The following ATG3 variants were observed in gnomAD, a reference collection of about 807,000 sequenced individuals.
The protein encoded by ATG3 is ubiquitin-like-conjugating enzyme ATG3.
ATG3 carries 25 observed loss-of-function variants against 50.7 expected under a neutral mutation model. That is an observed-to-expected ratio of 0.49 (90% CI 0.36 to 0.69). The LOEUF is 0.69. Ranked by LOEUF, ATG3 falls within the 30% of genes least tolerant of loss-of-function variation. ATG3 has a pLI of 0.00. For synonymous variants in ATG3, 119 were observed against 125.5 expected (o/e 0.95, Z 0.34); for missense variants, 281 against 376.0 (o/e 0.75, Z 2.09).
intron 11 of ATG3, 85 bp from the exon 12 acceptor site, chr3:112,532,865 C>A: frequency 7.4e-7 from 1 of 1,350,056 alleles, no homozygotes; most frequent in South Asian, 1.9e-5. Flanking sequence ...TTTATTAAGC[C>A]ATTAATTTCT....
chr3:112,556,381 CG>C (rs1419319262), intron 2 of ATG3, among the ~76,000 whole-genome samples: 1 of 141,494 alleles, frequency 7.1e-6, no homozygotes, highest in Non-Finnish European at 1.5e-5. Flanking sequence ...CCCGGCCAGC[CG>C]CCCCATCCGG....
chr3:112,545,242 A>G (rs17233925), intron 5 of ATG3, among the ~76,000 whole-genome samples: 13,130 of 152,228 alleles, frequency 0.086, 773 homozygotes, highest in South Asian at 0.23. Flanking sequence ...ATTCTCTTGC[A>G]CTCTACGGGG....
At position 112,557,224 on chromosome 3, in the gene ATG3, T is replaced by TC. The variant is rs1318655267; in HGVS notation, c.114+1151_114+1152insG. 2.7e-5 allele frequency among the ~76,000 whole-genome samples: 4 copies of TC among 147,768 alleles called. No homozygotes were observed. In the East Asian group the frequency reaches 7.9e-4, roughly 29 times the overall value. The stretch of plus-strand genomic sequence containing the variant: ...CCACCATCACGCCCCGCTAATTTTT[T>TC]ATATTTTTAGTAGAGACGGGGTTTC... On this transcript the variant is annotated intron_variant, in intron 2 of 11. Coordinates refer to ENST00000283290, the MANE Select transcript of ATG3 (RefSeq NM_022488.5).
chr3:112,542,330 G>C (rs1361214864), intron 6 of ATG3, among the ~76,000 whole-genome samples: 1 of 152,086 alleles, frequency 6.6e-6, no homozygotes, highest in Non-Finnish European at 1.5e-5. Context: ...TATCTTAGCT[G>C]AATTAGGCAA....
At chr3:112,561,312 G>A (rs752039276) in intron 1 of ATG3, 145 bp downstream of exon 1, 1 of 789,610 alleles carries the variant, frequency 1.3e-6, no homozygotes, top group Non-Finnish European at 2.1e-6. Flanking sequence ...GACTACGGGT[G>A]GGGGCTGCAC....
rs1455993882 is a variant in ATG3 at position 112,538,133 on chromosome 3, T to C, written c.510+13A>G. ...CCATTAAAAATTAACTAAAGAAAAC[T>C]CAATTTACAAACCTCATCTGTTTCC... On this transcript the variant is annotated intron_variant, in intron 8 of 11. Coordinates refer to ENST00000283290, the MANE Select transcript of ATG3 (RefSeq NM_022488.5). 11 of 1,562,084 alleles carry C rather than the reference T, an allele frequency of 7.0e-6. No individual in the cohort carries two copies. Among genetic ancestry groups the C allele is most frequent in the Admixed American group, 5.6e-5 (3 of 53,404 alleles).
Position 112,561,657 on chromosome 3 carries a change from G to A in ATG3, c.-129C>T, listed in dbSNP as rs1933890835. The A allele has an allele frequency of 1.2e-5, 11 of 893,672 alleles. No homozygotes were observed. Among genetic ancestry groups the A allele is most frequent in the Non-Finnish European group, 1.9e-5 (11 of 593,864 alleles). The allele number at this position is 893,672 out of a possible 1,614,324, so 55.4% of individuals were successfully genotyped here. A position where few individuals can be genotyped will look rare whatever the true frequency, so the allele number is the denominator to read the frequency against. On this transcript the variant is annotated 5_prime_UTR_variant, in exon 1 of 12. Transcript: ENST00000283290. The stretch of plus-strand genomic sequence containing the variant: ...GCACCCGGCTGGCAGCACCCGAGGG[G>A]ACGGGACGCGACGCGACGGGACGGG...
intron 7 of ATG3, among the ~76,000 whole-genome samples, chr3:112,541,578 A>G (rs1345197827): frequency 2.0e-5 from 3 of 152,224 alleles, no homozygotes; most frequent in African/African-American, 7.2e-5. Flanking sequence ...AGTTATTCCA[A>G]TAAAAATGAT....
chr3:112,534,482 C>A (rs1932968632), intron 10 of ATG3, 145 bp from the exon 11 acceptor site: 2 of 440,818 alleles, frequency 4.5e-6, no homozygotes, highest in Non-Finnish European at 7.6e-6. Flanking sequence ...TCTCCCCCAC[C>A]ACTCCCCAAT....
chr3:112,536,313 T>C (rs112673824), intron 10 of ATG3, 162 bp downstream of exon 10: 34 of 791,448 alleles, frequency 4.3e-5, no homozygotes, highest in African/African-American at 2.1e-4. Flanking sequence ...TTTTCTTATA[T>C]ATTTAAGCAC....
chr3:112,548,677 T>A (rs775979411), intron 4 of ATG3, 37 bp from the exon 5 acceptor site: 26 of 1,504,806 alleles, frequency 1.7e-5, no homozygotes, highest in Non-Finnish European at 2.4e-5. Flanking sequence ...AACTAGCACG[T>A]AATCTGCTAA....
At position 112,536,327 on chromosome 3, in the gene ATG3, A is replaced by G; in HGVS notation, c.794+148T>C. On this transcript the variant is annotated intron_variant, in intron 10 of 11. Transcript: ENST00000283290. Reference sequence around the variant, plus strand: ...TTTTTCTTATATATTTAAGCACAAGAAAATTTCTAAGGAGGACAAGAGAGA... The same window carrying G: ...TTTTTCTTATATATTTAAGCACAAGGAAATTTCTAAGGAGGACAAGAGAGA... 4.4e-6 allele frequency: 4 copies of G among 910,700 alleles called. No homozygotes were observed. The Admixed American group carries it at 1.2e-4, about 27-fold the overall frequency. 56.4% of individuals were successfully genotyped at this position (910,700 alleles called of 1,614,324 possible).
At chr3:112,551,913 T>C (rs370837289) in intron 3 of ATG3, among the ~76,000 whole-genome samples, 2 of 151,698 alleles carry the variant, frequency 1.3e-5, no homozygotes, top group African/African-American at 4.8e-5. Flanking sequence ...GAGAGAAAAA[T>C]ACATAAAAAC....
At chr3:112,535,308 T>A (rs905648853) in intron 10 of ATG3, 2 of 152,162 alleles carry the variant, frequency 1.3e-5, no homozygotes, top group Admixed American at 6.5e-5. Context: ...TGGTCTAAAA[T>A]GTCCTTGAAG....
intron 5 of ATG3, among the ~76,000 whole-genome samples, chr3:112,547,086 C>T (rs1310893857): frequency 6.6e-6 from 1 of 152,184 alleles, no homozygotes; most frequent in Non-Finnish European, 1.5e-5. Context: ...CCTCTGTCTA[C>T]TGCAGTGAGT....
chr3:112,556,550 C>T (rs1162134399), intron 2 of ATG3, among the ~76,000 whole-genome samples: 1 of 152,116 alleles, frequency 6.6e-6, no homozygotes, highest in African/African-American at 2.4e-5. Context: ...TGAGAACGGG[C>T]CATGATGACA....
intron 5 of ATG3, 96 bp downstream of exon 5, chr3:112,548,437 G>T: frequency 9.3e-7 from 1 of 1,072,558 alleles, no homozygotes; most frequent in Non-Finnish European, 1.4e-6. Flanking sequence ...ACAAAACTAT[G>T]CCTTATGTAT....
chr3:112,537,003 T>C (rs1324535862), intron 9 of ATG3, among the ~76,000 whole-genome samples: 1 of 150,504 alleles, frequency 6.6e-6, no homozygotes, highest in Non-Finnish European at 1.5e-5. Flanking sequence ...ATCTCAAGGT[T>C]TATAATATAT....
chr3:112,534,776 TAA>T (rs10718853), intron 10 of ATG3: 22,478 of 140,214 alleles, frequency 0.16, 3,898 homozygotes, highest in African/African-American at 0.43. Context: ...TCAGGCAAAT[TAA>T]AAAAAAAAAA....
Sources: allele counts gnomAD v4.1 joint callset (sites outside exome capture counted in the v4.1 genomes callset), GRCh38; gene constraint gnomAD v4.1.1; transcripts MANE v1.5; gene names NCBI Gene and HGNC (gene_info 2026-07-23, HGNC 2026-07-21).